The following SLC9C1 variants were observed in gnomAD, a reference collection of about 807,000 sequenced individuals.
SLC9C1 encodes sodium/hydrogen exchanger 10.
In SLC9C1, 97 loss-of-function variants were observed where a neutral mutation model predicts 140.9. That is an observed-to-expected ratio of 0.69 (90% confidence interval 0.58 to 0.82). The LOEUF is 0.82. SLC9C1 is among the 40% of genes least tolerant of loss of function. SLC9C1 has a pLI of 0.00. For synonymous variants in SLC9C1, 440 were observed against 442.6 expected, an observed-to-expected ratio of 0.99 and a Z score of 0.07; for missense variants, 1,340 against 1,389.3, an observed-to-expected ratio of 0.96 and a Z score of 0.56.
Position 112,202,271 on chromosome 3 carries a change from T to A in SLC9C1, c.2301A>T (p.Thr767=), listed in dbSNP as rs545745389. The A allele has an allele frequency of 1.8e-5, 29 of 1,610,960 alleles. No homozygotes were observed. The highest frequency in any genetic ancestry group is 2.7e-5 in the African/African-American group (2 of 74,768). Residue 767 remains threonine (T), a synonymous_variant, in exon 18 of 29, where the codon ACA becomes ACT. Transcript: ENST00000305815. ...TTACCTGTTTAATCTGTTTAGAACT[T>A]GTAATCTGATCAATTATGGTCATTA... is the stretch of plus-strand genomic sequence containing the variant. The part of the protein sequence containing the change: ...ADIMTIIDQI[T]SSKQIKQMLL...
intron 20 of SLC9C1, among the ~76,000 whole-genome samples, chr3:112,183,349 CTTTTTTT>C (rs200437815): frequency 0.41 from 39,187 of 96,122 alleles, 7,723 homozygotes; most frequent in East Asian, 0.5. Flanking sequence ...AGCACCTTTT[CTTTTTTT>C]TTTTTTTTTT....
At chr3:112,145,454 G>A (rs2074758661) in intron 28 of SLC9C1, among the ~76,000 whole-genome samples, 1 of 152,066 alleles carries the variant, frequency 6.6e-6, no homozygotes, top group Non-Finnish European at 1.5e-5. Context: ...TTGATATCAG[G>A]GTGATGCTGG....
At chr3:112,166,567 T>C (rs16859301) in intron 26 of SLC9C1, among the ~76,000 whole-genome samples, 8,215 of 152,292 alleles carry the variant, frequency 0.054, 265 homozygotes, top group South Asian at 0.084. Flanking sequence ...TTGGTTGATC[T>C]CTTGATTGGT....
chr3:112,202,937 G>C (rs1189945733), intron 17 of SLC9C1, among the ~76,000 whole-genome samples: 1 of 151,820 alleles, frequency 6.6e-6, no homozygotes, highest in Non-Finnish European at 1.5e-5. Context: ...AGAGTTCATT[G>C]ATCCCTTTGT....
intron 15 of SLC9C1, among the ~76,000 whole-genome samples, chr3:112,214,301 A>G (rs1331307001): frequency 6.6e-6 from 1 of 152,332 alleles, no homozygotes; most frequent in South Asian, 2.1e-4. Context: ...TAAAAGAACT[A>G]GAGAAGCAAG....
At chr3:112,208,536 T>C (rs1255369382) in intron 15 of SLC9C1, among the ~76,000 whole-genome samples, 163 bp from the exon 16 acceptor site, 1 of 152,164 alleles carries the variant, frequency 6.6e-6, no homozygotes, top group Non-Finnish European at 1.5e-5. Context: ...CTTCAGATAC[T>C]GTCCTTTTAA....
Position 112,294,214 on chromosome 3 carries a change from C to T in SLC9C1, c.-209G>A, listed in dbSNP as rs1438468065. On this transcript the variant is annotated 5_prime_UTR_variant, in exon 1 of 29. Coordinates refer to ENST00000305815, the MANE Select transcript of SLC9C1 (RefSeq NM_183061.3). ...CTCACTGACAGTTACTTGCTCCAAA[C>T]TCGCCCCTAGTCTGCACCGGTTAGC... is the stretch of plus-strand genomic sequence containing the variant. 6.6e-6 allele frequency: 1 copy of T among 152,292 alleles called. No individual in the cohort carries two copies. Among genetic ancestry groups the T allele is most frequent in the African/African-American group, 2.4e-5 (1 of 41,436 alleles). 9.4% of individuals were successfully genotyped at this position (152,292 alleles called of 1,614,324 possible). A position where few individuals can be genotyped will look rare whatever the true frequency, so the allele number is the denominator to read the frequency against.
At chr3:112,257,678 A>G (rs902252239) in intron 10 of SLC9C1, among the ~76,000 whole-genome samples, 1 of 152,210 alleles carries the variant, frequency 6.6e-6, no homozygotes, top group African/African-American at 2.4e-5. Context: ...AGCAATCACA[A>G]CAAAAGCAAA....
intron 19 of SLC9C1, among the ~76,000 whole-genome samples, chr3:112,200,176 G>GC (rs1433303338): frequency 6.6e-6 from 1 of 152,046 alleles, no homozygotes. Context: ...TTGTGACTGT[G>GC]CCACTCTTAA....
intron 26 of SLC9C1, among the ~76,000 whole-genome samples, chr3:112,161,363 G>A (rs1232371645): frequency 1.3e-5 from 2 of 152,144 alleles, no homozygotes; most frequent in Admixed American, 6.6e-5. Flanking sequence ...TGTCCTGAAT[G>A]GTAATGCCTA....
At chr3:112,176,302 C>T (rs2077334952) in intron 23 of SLC9C1, among the ~76,000 whole-genome samples, 1 of 152,164 alleles carries the variant, frequency 6.6e-6, no homozygotes, top group Admixed American at 6.5e-5. Flanking sequence ...TACTTTTCTC[C>T]GTTCTCCGTG....
chr3:112,164,464 C>T (rs1446595763), intron 26 of SLC9C1, among the ~76,000 whole-genome samples: 1 of 139,770 alleles, frequency 7.2e-6, no homozygotes, highest in East Asian at 2.2e-4. Flanking sequence ...TTAGGGCAGG[C>T]CTGGTGGTGA....
chr3:112,146,228 T>G (rs2074792488), intron 28 of SLC9C1, among the ~76,000 whole-genome samples: 1 of 152,076 alleles, frequency 6.6e-6, no homozygotes, highest in Non-Finnish European at 1.5e-5. Flanking sequence ...ATCTAGCTAG[T>G]GATCTACTGA....
intron 12 of SLC9C1, among the ~76,000 whole-genome samples, chr3:112,237,114 G>T (rs985224614): frequency 6.6e-6 from 1 of 152,070 alleles, no homozygotes; most frequent in African/African-American, 2.4e-5. Context: ...CTCTTTGTAG[G>T]TCTCTAAGGA....
chr3:112,225,654 C>T (rs1182391269), intron 13 of SLC9C1, among the ~76,000 whole-genome samples: 1 of 152,032 alleles, frequency 6.6e-6, no homozygotes. Flanking sequence ...GACCCAACTA[C>T]ACACTGCCTA....
At chr3:112,288,116 TCA>T (rs1204484145) in intron 1 of SLC9C1, among the ~76,000 whole-genome samples, 3 of 151,606 alleles carry the variant, frequency 2.0e-5, no homozygotes, top group Non-Finnish European at 4.4e-5. Flanking sequence ...AATTTTTTTT[TCA>T]GTTTCATACA....
At chr3:112,149,966 G>A (rs182564323) in intron 28 of SLC9C1, among the ~76,000 whole-genome samples, 23 of 152,248 alleles carry the variant, frequency 1.5e-4, no homozygotes, top group South Asian at 6.2e-4. Context: ...CTCAGCAATG[G>A]CACATACAGA....
intron 8 of SLC9C1, among the ~76,000 whole-genome samples, chr3:112,265,511 T>C (rs2079893960): frequency 6.6e-6 from 1 of 152,294 alleles, no homozygotes; most frequent in East Asian, 1.9e-4. Context: ...TTCTATCTTC[T>C]ATAACGTTGT....
At chr3:112,162,948 C>A (rs374043083) in intron 26 of SLC9C1, among the ~76,000 whole-genome samples, 52 of 134,602 alleles carry the variant, frequency 3.9e-4, no homozygotes, top group African/African-American at 1.3e-3. Context: ...ACAATTTCAG[C>A]TCCTGTTATT....
Sources: gnomAD v4.1 joint callset for allele counts (sites outside exome capture counted in the v4.1 genomes callset) on GRCh38, gnomAD v4.1.1 for gene constraint, MANE v1.5 for transcripts, NCBI Gene and HGNC (gene_info 2026-07-23, HGNC 2026-07-21) for gene names.